Variants in ANK2 observed in about 807,000 individuals in gnomAD.
ANK2 encodes the protein ankyrin 2.
In ANK2, 83 loss-of-function variants were observed where a neutral mutation model predicts 360.5. That is an observed-to-expected ratio of 0.23 (90% CI 0.19 to 0.28). The LOEUF is 0.28. Among genes scored for constraint, ANK2 ranks in the 10% least tolerant of loss-of-function variants. The pLI is 1.00. For synonymous variants in ANK2, 1,740 were observed against 1,759.5 expected, an observed-to-expected ratio of 0.99 and a Z score of 0.28; for missense variants, 4,201 against 4,795.7, an observed-to-expected ratio of 0.88 and a Z score of 3.66.
chr4:113,118,920 A>AC (rs1427210771), intron 1 of ANK2, among the ~76,000 whole-genome samples: 1 of 152,156 alleles, frequency 6.6e-6, no homozygotes, highest in African/African-American at 2.4e-5. Flanking sequence ...TAGCTAGAGT[A>AC]CCATGCATAC....
intron 1 of ANK2, among the ~76,000 whole-genome samples, chr4:113,128,184 G>GT (rs1279277719): frequency 5.9e-5 from 9 of 152,182 alleles, no homozygotes; most frequent in Admixed American, 4.6e-4. Flanking sequence ...AGAGAATGAA[G>GT]TTTAGAGTTT....
chr4:112,808,546 T>C, the ANK2 span, among the ~76,000 whole-genome samples: 1 of 152,234 alleles, frequency 6.6e-6, no homozygotes. Context: ...TTGTCAGTAT[T>C]GTAGGGATGA....
intron 2 of ANK2, among the ~76,000 whole-genome samples, chr4:112,991,854 T>C (rs1163593660): frequency 1.3e-5 from 2 of 152,000 alleles, no homozygotes; most frequent in Non-Finnish European, 2.9e-5. Context: ...GCCAAGTTTT[T>C]TTTTTTCCAC....
chr4:112,749,955 A>C, the ANK2 span, among the ~76,000 whole-genome samples: 4 of 152,240 alleles, frequency 2.6e-5, no homozygotes, highest in Admixed American at 6.5e-5. Flanking sequence ...CGTGTTGGCC[A>C]GGCTGGTCTC....
Position 112,911,656 on chromosome 4 carries a change from C to T in ANK2, c.21+7142C>T, listed in dbSNP as rs74551040. Reference sequence around the variant, plus strand: ...ATATATTTTTAAACAAACTCTGTTGCTATGTTTTTCCTTATTATGTTGTCA... The same window carrying T: ...ATATATTTTTAAACAAACTCTGTTGTTATGTTTTTCCTTATTATGTTGTCA... On this transcript the variant is annotated intron_variant, in intron 2 of 30. Transcript: ENST00000503271. Among the ~76,000 whole-genome samples, 190 of 152,226 alleles carry T rather than the reference C, an allele frequency of 1.2e-3. 1 individual carries two copies. In the East Asian group the frequency reaches 0.026, roughly 21 times the overall value.
At chr4:112,939,280 C>G (rs2094005003) in intron 2 of ANK2, among the ~76,000 whole-genome samples, 1 of 152,060 alleles carries the variant, frequency 6.6e-6, no homozygotes, top group Non-Finnish European at 1.5e-5. Context: ...TAAAAAGTAT[C>G]AGGGAATAGT....
chr4:112,751,744 C>G, the ANK2 span, among the ~76,000 whole-genome samples: 1 of 151,994 alleles, frequency 6.6e-6, no homozygotes, highest in Non-Finnish European at 1.5e-5. Flanking sequence ...GATCTTATCT[C>G]TAAGGTAGGA....
At position 113,335,828 on chromosome 4, in the gene ANK2, G is replaced by T. The variant is rs2153957400; in HGVS notation, c.3380-18G>T. ...AATCTTTGCTATGTGAATGAAGGTG[G>T]GTCATTTCTTGTCTTAGTACTGGAT... On this transcript the variant is annotated intron_variant, in intron 29 of 45. Transcript: ENST00000357077. 1 of 1,605,462 alleles carries T rather than the reference G, an allele frequency of 6.2e-7. No homozygotes were observed. Among genetic ancestry groups the T allele is most frequent in the South Asian group, 1.1e-5 (1 of 90,876 alleles).
intron 2 of ANK2, among the ~76,000 whole-genome samples, chr4:113,193,672 G>A (rs1394193763): frequency 6.6e-6 from 1 of 152,064 alleles, no homozygotes; most frequent in Non-Finnish European, 1.5e-5. Flanking sequence ...ATTTCATCTT[G>A]AGAAGAGTTC....
chr4:113,372,615 T>G lies in ANK2; in HGVS notation c.11611-475T>G, dbSNP rs1003277247. ...ACTACCAGGGTTGTCCGCCGGCGAG[T>G]GATTATTCAGGTACCCACTGTTAAA... is the stretch of plus-strand genomic sequence containing the variant. On this transcript the variant is annotated intron_variant, in intron 43 of 45. Transcript: ENST00000357077. 7 of 1,534,966 alleles carry G rather than the reference T, an allele frequency of 4.6e-6. No homozygotes were observed. In the Admixed American group the frequency reaches 5.9e-5, roughly 13 times the overall value.
At chr4:112,886,418 A>G (rs1284018892) in intron 1 of ANK2, among the ~76,000 whole-genome samples, 1 of 152,102 alleles carries the variant, frequency 6.6e-6, no homozygotes, top group Non-Finnish European at 1.5e-5. Flanking sequence ...TAATCCCAGG[A>G]CTTAGGGAGG....
chr4:113,181,118 A>C (rs190456443), intron 2 of ANK2, among the ~76,000 whole-genome samples: 1 of 152,332 alleles, frequency 6.6e-6, no homozygotes, highest in East Asian at 1.9e-4. Context: ...CAGCTCTAAA[A>C]ACTTCATTCT....
At chr4:112,866,471 T>C (rs1282247394) in intron 1 of ANK2, among the ~76,000 whole-genome samples, 1 of 152,202 alleles carries the variant, frequency 6.6e-6, no homozygotes, top group Non-Finnish European at 1.5e-5. Context: ...ACCTTAAACA[T>C]AGTTATATTT....
At chr4:113,032,779 C>G (rs762010971) in intron 2 of ANK2, among the ~76,000 whole-genome samples, 2 of 152,028 alleles carry the variant, frequency 1.3e-5, no homozygotes, top group Middle Eastern at 3.2e-3. Context: ...TGTTTTCCCC[C>G]TGATGGGATA....
intron 26 of ANK2, among the ~76,000 whole-genome samples, chr4:113,318,889 G>A (rs915262079): frequency 2.6e-5 from 4 of 152,116 alleles, no homozygotes; most frequent in African/African-American, 9.7e-5. Context: ...TACCTAACTG[G>A]AATATACTAG....
chr4:113,276,994 T>G (rs1198072738), intron 15 of ANK2, among the ~76,000 whole-genome samples: 1 of 152,180 alleles, frequency 6.6e-6, no homozygotes, highest in East Asian at 1.9e-4. Context: ...GACATCATGG[T>G]GTAGGAACTG....
intron 24 of ANK2, among the ~76,000 whole-genome samples, chr4:113,314,611 TA>T (rs904875238): frequency 6.6e-6 from 1 of 152,206 alleles, no homozygotes; most frequent in Non-Finnish European, 1.5e-5. Context: ...AACTTGTTTT[TA>T]ATGTCTTAAA....
intron 1 of ANK2, among the ~76,000 whole-genome samples, chr4:113,149,406 GGTATA>G (rs1246659782): frequency 6.6e-6 from 1 of 151,944 alleles, no homozygotes; most frequent in Non-Finnish European, 1.5e-5. Flanking sequence ...TAGTTTAAAT[GGTATA>G]GTATTGTCTT....
At chr4:112,855,043 C>A (rs980145426) in intron 1 of ANK2, among the ~76,000 whole-genome samples, 3 of 152,106 alleles carry the variant, frequency 2.0e-5, no homozygotes, top group African/African-American at 7.2e-5. Flanking sequence ...ATATTAGCAT[C>A]CTAATATTCT....
Sources: gnomAD v4.1 joint callset for allele counts (sites outside exome capture counted in the v4.1 genomes callset) on GRCh38, gnomAD v4.1.1 for gene constraint, MANE v1.5 for transcripts, NCBI Gene and HGNC (gene_info 2026-07-23, HGNC 2026-07-21) for gene names.